DMD: variants seen among roughly 807,000 people sequenced by gnomAD.
The protein encoded by DMD is mutant dystrophin.
A neutral mutation model predicts 330.1 loss-of-function variants in DMD; 63 were observed. That is an observed-to-expected ratio of 0.19 (90% CI 0.16 to 0.24). The LOEUF (loss-of-function observed/expected upper bound fraction) is 0.24, where lower values mean the gene tolerates loss of function less well. Ranked by LOEUF, DMD falls within the 10% of genes least tolerant of loss-of-function variation. DMD has a pLI of 1.00. For missense variants in DMD, 3,344 were observed against 2,684.1 expected (o/e 1.25, Z -5.43); for synonymous variants, 1,223 against 959.8 (o/e 1.27, Z -5.07).
Position 31,167,774 on chromosome X carries a change from T to C in DMD, c.10553+1669A>G, listed in dbSNP as rs181208349. Among the ~76,000 whole-genome samples the C allele has an allele frequency of 5.3e-5, 6 of 112,270 alleles. No individual in the cohort carries two copies. The East Asian group carries it at 1.4e-3, about 26-fold the overall frequency. On this transcript the variant is annotated intron_variant, in intron 74 of 78. Coordinates refer to ENST00000357033, the MANE Select transcript of DMD (RefSeq NM_004006.3). ...CGTGGATGGTACTCATGTGATGTTCTTGCTGTATTTTCAGGTTTTTAGCAA... is the reference window on the plus strand; with the variant it reads ...CGTGGATGGTACTCATGTGATGTTCCTGCTGTATTTTCAGGTTTTTAGCAA...
chrX:32,366,856 G>T (rs1963704), intron 34 of DMD, among the ~76,000 whole-genome samples: 47,231 of 110,916 alleles, frequency 0.43, 7,544 homozygotes, highest in East Asian at 0.72. Flanking sequence ...TCTAAGATAT[G>T]GTTTTATGTC....
At chrX:32,019,293 G>A (rs1178080595) in intron 44 of DMD, among the ~76,000 whole-genome samples, 1 of 110,589 alleles carries the variant, frequency 9.0e-6, no homozygotes, top group East Asian at 2.8e-4. Flanking sequence ...ATGTCACGAC[G>A]AATATATTTC....
At chrX:32,453,176 C>T (rs1211115023) in intron 26 of DMD, among the ~76,000 whole-genome samples, 1 of 110,774 alleles carries the variant, frequency 9.0e-6, no homozygotes, top group Non-Finnish European at 1.9e-5. Context: ...CCATTTATTG[C>T]CTGCTCCTCA....
At chrX:32,746,241 G>T (rs896072498) in intron 7 of DMD, among the ~76,000 whole-genome samples, 2 of 112,115 alleles carry the variant, frequency 1.8e-5, no homozygotes, top group African/African-American at 6.5e-5. Flanking sequence ...ACTCAAAGAC[G>T]TTCTATCTGG....
intron 54 of DMD, among the ~76,000 whole-genome samples, chrX:31,647,031 C>A (rs776288688): frequency 1.2e-3 from 139 of 112,130 alleles, no homozygotes; most frequent in African/African-American, 4.2e-3. Flanking sequence ...TAGCACCTTG[C>A]ATTTACATTA....
At chrX:32,381,625 A>T (rs1255768851) in intron 33 of DMD, among the ~76,000 whole-genome samples, 1 of 111,835 alleles carries the variant, frequency 8.9e-6, no homozygotes. Context: ...CCTTGAACAA[A>T]GAAAGGTCTC....
At chrX:31,691,102 G>A (rs995509055) in intron 52 of DMD, among the ~76,000 whole-genome samples, 1 of 109,925 alleles carries the variant, frequency 9.1e-6, no homozygotes, top group Admixed American at 9.7e-5. Context: ...ATGTACCCTA[G>A]AACTTAAAGT....
intron 17 of DMD, among the ~76,000 whole-genome samples, chrX:32,536,287 A>AAAAAAAC (rs1556769787): frequency 1.1e-4 from 12 of 106,054 alleles, no homozygotes; most frequent in African/African-American, 4.0e-4. Context: ...AAAAAAAAAA[A>AAAAAAAC]ACACACAAAT....
intron 52 of DMD, among the ~76,000 whole-genome samples, chrX:31,726,421 T>C (rs1482032946): frequency 1.8e-5 from 2 of 112,565 alleles, no homozygotes; most frequent in Non-Finnish European, 3.8e-5. Context: ...ATTACATACA[T>C]ATATTAACTA....
chrX:32,679,616 C>A (rs1602902349), intron 9 of DMD, among the ~76,000 whole-genome samples: 1 of 110,066 alleles, frequency 9.1e-6, no homozygotes, highest in Admixed American at 9.8e-5. Flanking sequence ...AATAGAAAGT[C>A]AAAGATCTCT....
chrX:31,928,770 T>C (rs1288203393), intron 47 of DMD, among the ~76,000 whole-genome samples: 4 of 112,004 alleles, frequency 3.6e-5, no homozygotes, highest in Non-Finnish European at 7.5e-5. Context: ...AATTGTTCAC[T>C]TTAAATGAGT....
At chrX:32,370,024 T>C (rs903775445) in intron 34 of DMD, among the ~76,000 whole-genome samples, 2 of 111,357 alleles carry the variant, frequency 1.8e-5, no homozygotes, top group African/African-American at 6.5e-5. Context: ...ACTTAGTATT[T>C]GCAAATATTA....
intron 44 of DMD, among the ~76,000 whole-genome samples, chrX:31,989,478 G>A (rs758109023): frequency 6.3e-5 from 7 of 111,563 alleles, no homozygotes; most frequent in South Asian, 3.7e-4. Context: ...AAATTCTGCC[G>A]TATTCAATGC....
At chrX:31,750,887 C>T (rs1335725074) in intron 51 of DMD, among the ~76,000 whole-genome samples, 2 of 102,885 alleles carry the variant, frequency 1.9e-5, no homozygotes, top group Admixed American at 1.1e-4. Context: ...GAGTGAACTC[C>T]CATTCACAAT....
intron 6 of DMD, among the ~76,000 whole-genome samples, chrX:32,813,515 G>A (rs1419925176): frequency 8.9e-6 from 1 of 111,734 alleles, no homozygotes; most frequent in East Asian, 2.8e-4. Flanking sequence ...TCTACGTCAT[G>A]GAACTTGATT....
intron 9 of DMD, among the ~76,000 whole-genome samples, chrX:32,685,676 G>A (rs958811206): frequency 9.0e-6 from 1 of 111,616 alleles, no homozygotes. Flanking sequence ...AAAATGCTAA[G>A]CTTGAAAATC....
At chrX:31,390,905 T>A (rs2060654101) in intron 60 of DMD, among the ~76,000 whole-genome samples, 2 of 111,467 alleles carry the variant, frequency 1.8e-5, no homozygotes. Flanking sequence ...CTCTCCAGCC[T>A]TGTCCTGTAC....
chrX:33,316,025 C>T (rs73623945), intron 1 of DMD, among the ~76,000 whole-genome samples: 1,913 of 110,203 alleles, frequency 0.017, 45 homozygotes, highest in African/African-American at 0.059. Context: ...ACTACCCTTT[C>T]CTATATGTAG....
In DMD at chrX:32,710,976, A is replaced by C. The variant is rs551606584; in HGVS notation, c.650-11683T>G. Among the ~76,000 whole-genome samples the C allele has an allele frequency of 4.1e-4, 46 of 111,815 alleles. No individual in the cohort carries two copies. The South Asian group carries it at 0.016, about 39-fold the overall frequency. ...ACACACATTTATAAACAATATGATC[A>C]CTAATATATAACTATAATATGCATG... On this transcript the variant is annotated intron_variant, in intron 7 of 78. Transcript: ENST00000357033.
Sources: gnomAD v4.1 joint callset for allele counts (sites outside exome capture counted in the v4.1 genomes callset) on GRCh38, gnomAD v4.1.1 for gene constraint, MANE v1.5 for transcripts, NCBI Gene and HGNC (gene_info 2026-07-23, HGNC 2026-07-21) for gene names.